The following PCDH8 variants were observed in gnomAD, a reference collection of about 807,000 sequenced individuals.
The protein encoded by PCDH8 is protocadherin-8.
PCDH8 carries 36 observed loss-of-function variants against 58.2 expected under a neutral mutation model. That is an observed-to-expected ratio of 0.62 (90% confidence interval 0.47 to 0.82). The LOEUF (loss-of-function observed/expected upper bound fraction) is 0.82, where lower values mean the gene tolerates loss of function less well. PCDH8 is among the 40% of genes least tolerant of loss of function. The pLI, the probability that PCDH8 is intolerant of heterozygous loss-of-function variation, is 0.00. For missense variants in PCDH8, 1,493 were observed against 1,567.8 expected, an observed-to-expected ratio of 0.95 and a Z score of 0.81; for synonymous variants, 775 against 728.9, an observed-to-expected ratio of 1.06 and a Z score of -1.02.
At position 52,848,305 on chromosome 13, in the gene PCDH8, C is replaced by T. The variant is rs138372470; in HGVS notation, c.132G>A (p.Thr44=). 4 of 1,613,530 alleles carry T rather than the reference C, an allele frequency of 2.5e-6. No homozygotes were observed. Among genetic ancestry groups the T allele is most frequent in the Non-Finnish European group, 2.5e-6 (3 of 1,180,042 alleles). The stretch of plus-strand genomic sequence containing the variant: ...GGTCCTCGGCCAGGGTCCCGATGAC[C>T]GTGCCGGGGGCATCCTCCTCGAAGG... ...YSTFEEDAPG[T]VIGTLAEDLH... Residue 44 remains threonine (T), a synonymous_variant, in exon 1 of 3, where the codon ACG becomes ACA. Transcript: ENST00000377942.
chr13:52,847,657 G>A lies in PCDH8; in HGVS notation c.780C>T (p.Pro260=). The A allele has an allele frequency of 1.3e-6, 2 of 1,570,784 alleles. No individual in the cohort carries two copies. The highest frequency in any genetic ancestry group is 1.2e-5 in the South Asian group (1 of 86,628). The change falls in exon 1 of 3, where the codon CCC becomes CCT. Residue 260 remains proline, a synonymous_variant. Coordinates refer to ENST00000377942, the MANE Select transcript of PCDH8 (RefSeq NM_002590.4). Reference sequence around the variant, plus strand: ...CCAGGTCGAGAAGCAGGGAGCCCACGGGCGCGTCTTCCGCCAGCTCCACTT... The same window carrying A: ...CCAGGTCGAGAAGCAGGGAGCCCACAGGCGCGTCTTCCGCCAGCTCCACTT... ...VAEVELAEDA[P]VGSLLLDLDA... is the part of the protein sequence containing the mutation.
chr13:52,847,026 C>A lies in PCDH8; in HGVS notation c.1411G>T (p.Asp471Tyr). The A allele has an allele frequency of 6.4e-7, 1 of 1,566,022 alleles. No homozygotes were observed. The highest frequency in any genetic ancestry group is 8.6e-7 in the Non-Finnish European group (1 of 1,158,362). ...GTGCGCAGCGGGGGCGCGCCGCGAT[C>A]CTCGGCCACCAGCGTCAAGTTGTAC... ...AEYNLTLVAE[D>Y]RGAPPLRTVR... is the part of the protein sequence containing the mutation. The change falls in exon 1 of 3, where the codon GAT (aspartate) becomes TAT (tyrosine). Residue 471 changes from aspartate to tyrosine, a missense_variant. By Grantham distance (160) the Asp-to-Tyr change is radical. Coordinates refer to ENST00000377942, the MANE Select transcript of PCDH8 (RefSeq NM_002590.4).
rs761355404 is a variant in PCDH8 at position 52,846,476 on chromosome 13, T to G, written c.1961A>C (p.Gln654Pro). ...GANGELAFEL[Q>P]QQEPREAFAI... ...GAAGGCTTCGCGCGGCTCCTGCTGC[T>G]GCAGCTCGAACGCCAGCTCCCCGTT... is the stretch of plus-strand genomic sequence containing the variant. Residue 654 changes from glutamine (Q) to proline (P), a missense_variant, in exon 1 of 3, where the codon CAG becomes CCG. This residue lies in a region of PCDH8 where 1,307 missense variants were observed against 1,362.7 expected (regional missense o/e 0.96). Coordinates refer to ENST00000377942, the MANE Select transcript of PCDH8 (RefSeq NM_002590.4). The G allele has an allele frequency of 6.3e-7, 1 of 1,598,460 alleles. No homozygotes were observed. The highest frequency in any genetic ancestry group is 8.5e-7 in the Non-Finnish European group (1 of 1,179,294).
Position 52,847,904 on chromosome 13 carries a change from T to C in PCDH8, c.533A>G (p.His178Arg). The change falls in exon 1 of 3, where the codon CAC (histidine) becomes CGC (arginine). Residue 178 changes from histidine (H) to arginine (R), a missense_variant. His to Arg is a conservative substitution (Grantham distance 29). Transcript: ENST00000377942. ...GLQTVRLAEP[H>R]SPFRVELQTR... ...CTGCAGCTCCACGCGAAAGGGGCTG[T>C]GCGGCTCGGCCAGGCGCACGGTCTG... 1.3e-6 allele frequency: 2 copies of C among 1,582,026 alleles called. No individual in the cohort carries two copies. The highest frequency in any genetic ancestry group is 1.1e-5 in the South Asian group (1 of 87,652).
chr13:52,848,448 C>T lies in PCDH8; in HGVS notation c.-12G>A, dbSNP rs772903558. The T allele has an allele frequency of 1.2e-5, 19 of 1,576,962 alleles. No individual in the cohort carries two copies. Among genetic ancestry groups the T allele is most frequent in the Non-Finnish European group, 1.5e-5 (18 of 1,164,702 alleles). ...CTCACAGGACTCATGCCTCCAGCCT[C>T]AAGTGCGATCCGAAAGGCTAAGGAA... is the stretch of plus-strand genomic sequence containing the variant. On this transcript the variant is annotated 5_prime_UTR_variant, in exon 1 of 3. Transcript: ENST00000377942.
In PCDH8 at chr13:52,845,945, G is replaced by A. The variant is rs750758713; in HGVS notation, c.2492C>T (p.Pro831Leu). 1.3e-6 allele frequency: 2 copies of A among 1,488,238 alleles called. No homozygotes were observed. The highest frequency in any genetic ancestry group is 1.3e-5 in the South Asian group (1 of 77,868). The allele number at this position is 1,488,238 out of a possible 1,614,324, so 92.2% of individuals were successfully genotyped here. ...CGCGTCCGCCGCGGGGCTGCCAAAG[G>A]GCGCTTTGCCGGTGCCAGGGAAGGT... ...VLTFPGTGKA[P>L]FGSPAADAPP... Residue 831 changes from proline to leucine, a missense_variant, in exon 1 of 3, where the codon CCC (proline) becomes CTC (leucine). Pro to Leu is a moderately conservative substitution (Grantham distance 98). This residue lies in a region of PCDH8 where 1,307 missense variants were observed against 1,362.7 expected (regional missense o/e 0.96). Coordinates refer to ENST00000377942, the MANE Select transcript of PCDH8 (RefSeq NM_002590.4).
At position 52,844,528 on chromosome 13, in the gene PCDH8, C is replaced by T; in HGVS notation, c.*32G>A. ...ATAACTTAGGGGCTTCTCGGAGTGA[C>T]CTGTATATGTGTGAAGACATGCAGC... On this transcript the variant is annotated 3_prime_UTR_variant, in exon 3 of 3. Coordinates refer to ENST00000377942, the MANE Select transcript of PCDH8 (RefSeq NM_002590.4). The T allele has an allele frequency of 2.0e-6, 3 of 1,519,316 alleles. No homozygotes were observed. Among genetic ancestry groups the T allele is most frequent in the Non-Finnish European group, 2.7e-6 (3 of 1,131,766 alleles). 94.1% of individuals were successfully genotyped at this position (1,519,316 alleles called of 1,614,324 possible). A position where few individuals can be genotyped will look rare whatever the true frequency, so the allele number is the denominator to read the frequency against.
chr13:52,846,985 C>G lies in PCDH8; in HGVS notation c.1452G>C (p.Thr484=), dbSNP rs779620487. The change falls in exon 1 of 3, where the codon ACG becomes ACC. Residue 484 remains threonine, a synonymous_variant. Coordinates refer to ENST00000377942, the MANE Select transcript of PCDH8 (RefSeq NM_002590.4). ...TGTCGTTCTCGTCGCCCACACGCAC[C>G]GTGTAGGGCCGCACTGTGCGCAGCG... ...APPLRTVRPY[T]VRVGDENDNA... 1 of 1,591,422 alleles carries G rather than the reference C, an allele frequency of 6.3e-7. No homozygotes were observed. Among genetic ancestry groups the G allele is most frequent in the Non-Finnish European group, 8.5e-7 (1 of 1,172,036 alleles).
At chr13:52,844,985 C>A (rs1202462906) in intron 2 of PCDH8, 52 bp from the exon 3 acceptor site, 1 of 1,501,188 alleles carries the variant, frequency 6.7e-7, no homozygotes, top group Non-Finnish European at 8.9e-7. Flanking sequence ...TGAGATTATA[C>A]ATATTCAGGC....
At position 52,847,232 on chromosome 13, in the gene PCDH8, G is replaced by C. The variant is rs1278442287; in HGVS notation, c.1205C>G (p.Pro402Arg). The C allele has an allele frequency of 1.4e-6, 2 of 1,394,046 alleles. No homozygotes were observed. Among genetic ancestry groups the C allele is most frequent in the Non-Finnish European group, 1.8e-6 (2 of 1,081,228 alleles). 86.4% of individuals were successfully genotyped at this position (1,394,046 alleles called of 1,614,324 possible). The change falls in exon 1 of 3, where the codon CCG becomes CGG. Residue 402 changes from proline to arginine, a missense_variant. By Grantham distance (103) the Pro-to-Arg change is moderately radical (BLOSUM62 -2). Coordinates refer to ENST00000377942, the MANE Select transcript of PCDH8 (RefSeq NM_002590.4). ...TPEAGATSLV[P>R]EGAARESLVA... ...CAGGCTCTCGCGCGCCGCCCCCTCCGGCACCAGCGAAGTGGCACCAGCCTC... is the reference window on the plus strand; with the variant it reads ...CAGGCTCTCGCGCGCCGCCCCCTCCCGCACCAGCGAAGTGGCACCAGCCTC...
At position 52,847,364 on chromosome 13, in the gene PCDH8, G is replaced by C. The variant is rs1965758177; in HGVS notation, c.1073C>G (p.Pro358Arg). The change falls in exon 1 of 3, where the codon CCG (proline) becomes CGG (arginine). Residue 358 changes from proline to arginine, a missense_variant. Around this residue, in one of 3 missense-constraint regions of PCDH8, gnomAD observed 1,307 missense variants for 1,362.7 expected, o/e 0.96. Transcript: ENST00000377942. Reference protein sequence around the residue: ...NDNAPDIAITPLAAPGAPATS... With the variant: ...NDNAPDIAITRLAAPGAPATS... ...TGCCGGCGCGCCTGGGGCGGCCAGCGGGGTGATGGCGATGTCGGGTGCGTT... is the reference window on the plus strand; with the variant it reads ...TGCCGGCGCGCCTGGGGCGGCCAGCCGGGTGATGGCGATGTCGGGTGCGTT... The C allele has an allele frequency of 6.7e-7, 1 of 1,501,270 alleles. No individual in the cohort carries two copies. Among genetic ancestry groups the C allele is most frequent in the South Asian group, 1.3e-5 (1 of 77,192 alleles). The allele number at this position is 1,501,270 out of a possible 1,614,324, so 93.0% of individuals were successfully genotyped here. A position where few individuals can be genotyped will look rare whatever the true frequency, so the allele number is the denominator to read the frequency against.
rs1240349354 is a variant in PCDH8 at position 52,846,016 on chromosome 13, C to A, written c.2421G>T (p.Glu807Asp). ...GGASAPGSPE[E>D]AARGAGPRPN... ...GCCTGGGCCCGGCTCCCCGGGCGGCCTCCTCCGGGGAGCCGGGAGCCGAGG... is the reference window on the plus strand; with the variant it reads ...GCCTGGGCCCGGCTCCCCGGGCGGCATCCTCCGGGGAGCCGGGAGCCGAGG... Residue 807 changes from glutamate (E) to aspartate (D), a missense_variant, in exon 1 of 3, where the codon GAG becomes GAT. By Grantham distance (45) the Glu-to-Asp change is conservative (BLOSUM62 2). Transcript: ENST00000377942. 3.4e-6 allele frequency: 5 copies of A among 1,480,706 alleles called. No individual in the cohort carries two copies. The highest frequency in any genetic ancestry group is 2.7e-5 in the South Asian group (2 of 74,642). The allele number at this position is 1,480,706 out of a possible 1,614,324, so 91.7% of individuals were successfully genotyped here.
Position 52,848,568 on chromosome 13 carries a change from C to G in PCDH8, c.-132G>C. ...CGGGAGAAGTCTGCGGGTAGCAGCT[C>G]CGAGCCTCCAGCGGGCTCTGAGGAC... is the stretch of plus-strand genomic sequence containing the variant. On this transcript the variant is annotated 5_prime_UTR_variant, in exon 1 of 3. Transcript: ENST00000377942. 7.0e-7 allele frequency: 1 copy of G among 1,423,700 alleles called. No homozygotes were observed. Among genetic ancestry groups the G allele is most frequent in the Non-Finnish European group, 9.2e-7 (1 of 1,091,150 alleles). 88.2% of individuals were successfully genotyped at this position (1,423,700 alleles called of 1,614,324 possible).
In PCDH8 at chr13:52,845,898, C is replaced by T; in HGVS notation, c.2539G>A (p.Ala847Thr). The change falls in exon 1 of 3, where the codon GCC becomes ACC. Residue 847 changes from alanine (A) to threonine (T), a missense_variant. This residue lies in a region of PCDH8 where 1,307 missense variants were observed against 1,362.7 expected (regional missense o/e 0.96). Transcript: ENST00000377942. ...CCGCCCTCTGAGCCCGGCACTTCGGCCGCGGCGACCGCAGGCGGAGGCGCG... is the reference window on the plus strand; with the variant it reads ...CCGCCCTCTGAGCCCGGCACTTCGGTCGCGGCGACCGCAGGCGGAGGCGCG... The part of the protein sequence containing the change: ...ADAPPPAVAA[A>T]EVPGSEGGSA... 6.8e-7 allele frequency: 1 copy of T among 1,480,096 alleles called. No individual in the cohort carries two copies. The highest frequency in any genetic ancestry group is 1.3e-5 in the South Asian group (1 of 76,432). The allele number at this position is 1,480,096 out of a possible 1,614,324, so 91.7% of individuals were successfully genotyped here.
Position 52,847,740 on chromosome 13 carries a change from C to T in PCDH8, c.697G>A (p.Val233Met). Residue 233 changes from valine (V) to methionine (M), a missense_variant, in exon 1 of 3, where the codon GTG (valine) becomes ATG (methionine). By Grantham distance (21) the Val-to-Met change is conservative. This residue lies in a region of PCDH8 where 1,307 missense variants were observed against 1,362.7 expected (regional missense o/e 0.96). Transcript: ENST00000377942. ...TGGTCATTCGCATCCAGGACGCGCA[C>T]GCTGAGGGCAGCCGTGGCGGAGCGC... ...PPRSATAALS[V>M]RVLDANDHSP... The T allele has an allele frequency of 2.0e-6, 3 of 1,496,912 alleles. No individual in the cohort carries two copies. The highest frequency in any genetic ancestry group is 2.7e-6 in the Non-Finnish European group (3 of 1,130,856). 92.7% of individuals were successfully genotyped at this position (1,496,912 alleles called of 1,614,324 possible). A position where few individuals can be genotyped will look rare whatever the true frequency, so the allele number is the denominator to read the frequency against.
Position 52,847,061 on chromosome 13 carries a change from C to T in PCDH8, c.1376G>A (p.Arg459His). Reference sequence around the variant, plus strand: ...CAGCGTCAAGTTGTACTCGGCGATGCGTTCGCGGTCCAGCGACGCCGCGGT... The same window carrying T: ...CAGCGTCAAGTTGTACTCGGCGATGTGTTCGCGGTCCAGCGACGCCGCGGT... ...VVTAASLDRE[R>H]IAEYNLTLVA... is the part of the protein sequence containing the mutation. The change falls in exon 1 of 3, where the codon CGC becomes CAC. Residue 459 changes from arginine (R) to histidine (H), a missense_variant. This residue lies in a region of PCDH8 where 1,307 missense variants were observed against 1,362.7 expected (regional missense o/e 0.96). Transcript: ENST00000377942. 6.4e-7 allele frequency: 1 copy of T among 1,560,938 alleles called. No homozygotes were observed. Among genetic ancestry groups the T allele is most frequent in the Non-Finnish European group, 8.6e-7 (1 of 1,157,108 alleles).
At chr13:52,845,016 C>G in intron 2 of PCDH8, 83 bp from the exon 3 acceptor site, 1 of 1,444,382 alleles carries the variant, frequency 6.9e-7, no homozygotes, top group Non-Finnish European at 9.3e-7. Flanking sequence ...AGCATGTCAG[C>G]CTGGGTCAGG....
Position 52,847,306 on chromosome 13 carries a change from A to AGCGGCGGCG in PCDH8, c.1122_1130dup (p.Ala376_Ala378dup). 2 of 1,401,968 alleles carry AGCGGCGGCG rather than the reference A, an allele frequency of 1.4e-6. No individual in the cohort carries two copies. The highest frequency in any genetic ancestry group is 1.8e-6 in the Non-Finnish European group (2 of 1,084,334). 86.8% of individuals were successfully genotyped at this position (1,401,968 alleles called of 1,614,324 possible). ...AGCTAGCGTCCGCTCCCCCGAGTGC[A>AGCGGCGGCG]GCGGCGGCGGCGGCAGCGGCGAAGG... On this transcript the variant is annotated inframe_insertion, in exon 1 of 3. Coordinates refer to ENST00000377942, the MANE Select transcript of PCDH8 (RefSeq NM_002590.4).
rs1237844274 is a variant in PCDH8, at chr13:52,845,862, C to T, written c.2575G>A (p.Gly859Arg). ...CCCTCGAAGTGACAGGCGCTTTCCC[C>T]AGTGGCGCTGCCGCCCTCTGAGCCC... ...VPGSEGGSAT[G>R]ESACHFEGQQ... The change falls in exon 1 of 3, where the codon GGG becomes AGG. Residue 859 changes from glycine (G) to arginine (R), a missense_variant. Transcript: ENST00000377942. 5 of 1,514,108 alleles carry T rather than the reference C, an allele frequency of 3.3e-6. No homozygotes were observed. The highest frequency in any genetic ancestry group is 4.4e-6 in the Non-Finnish European group (5 of 1,139,192). The allele number at this position is 1,514,108 out of a possible 1,614,324, so 93.8% of individuals were successfully genotyped here. A position where few individuals can be genotyped will look rare whatever the true frequency, so the allele number is the denominator to read the frequency against.
Sources: gnomAD v4.1 joint callset for allele counts on GRCh38, gnomAD v4.1.1 for gene constraint, gnomAD v4.1.1 regional missense constraint, MANE v1.5 for transcripts, NCBI Gene and HGNC (gene_info 2026-07-23, HGNC 2026-07-21) for gene names.